Variants in FPR3 observed in about 807,000 individuals in gnomAD.
FPR3 encodes the protein N-formyl peptide receptor 3.
For synonymous variants in FPR3, 135 were observed against 163.6 expected (o/e 0.83, Z 1.34); for missense variants, 346 against 443.2 (o/e 0.78, Z 1.97).
chr19:51,824,446 T>A lies in FPR3; in HGVS notation c.698T>A (p.Met233Lys). 1 of 1,614,114 alleles carries A rather than the reference T, an allele frequency of 6.2e-7. No homozygotes were observed. Among genetic ancestry groups the A allele is most frequent in the Non-Finnish European group, 8.5e-7 (1 of 1,180,010 alleles). The change falls in exon 2 of 2, where the codon ATG (methionine) becomes AAG (lysine). Residue 233 changes from methionine (M) to lysine (K), a missense_variant. Met to Lys is a moderately conservative substitution (Grantham distance 95). Coordinates refer to ENST00000339223, the MANE Select transcript of FPR3 (RefSeq NM_002030.5). The surrounding 1 kb of genome is among the most constrained non-coding windows in gnomAD (Gnocchi z 4.7). ...IIAAKIHRNH[M>K]IKSSRPLRVF... is the part of the protein sequence containing the mutation. ...GCTGCCAAAATTCACAGAAACCACA[T>A]GATTAAATCCAGCCGTCCCTTACGT... is the stretch of plus-strand genomic sequence containing the variant.
chr19:51,812,237 G>A (rs958402989), intron 1 of FPR3, among the ~76,000 whole-genome samples: 4 of 152,160 alleles, frequency 2.6e-5, no homozygotes, highest in Non-Finnish European at 5.9e-5. Context: ...ATGGCCCAAC[G>A]TAGGGTGAAA....
At chr19:51,795,518 T>TTA (rs2083992419) in intron 1 of FPR3, among the ~76,000 whole-genome samples, 187 bp downstream of exon 1, 1 of 120,678 alleles carries the variant, frequency 8.3e-6, no homozygotes, top group Admixed American at 8.2e-5. Flanking sequence ...TTTTTTTTTT[T>TTA]TTTTTTTTTT....
intron 1 of FPR3, among the ~76,000 whole-genome samples, chr19:51,804,333 C>A (rs1190944480): frequency 6.6e-6 from 1 of 151,904 alleles, no homozygotes; most frequent in Non-Finnish European, 1.5e-5. Flanking sequence ...CCCTGGAATA[C>A]TTACTGATTT....
At chr19:51,804,914 G>C (rs546610496) in intron 1 of FPR3, 3 of 152,378 alleles carry the variant, frequency 2.0e-5, no homozygotes, top group South Asian at 4.1e-4. Flanking sequence ...TAGTGAGAAG[G>C]GGGGTGGAAG....
At chr19:51,811,049 T>C (rs1392670867) in intron 1 of FPR3, among the ~76,000 whole-genome samples, 1 of 152,170 alleles carries the variant, frequency 6.6e-6, no homozygotes, top group East Asian at 1.9e-4. Flanking sequence ...TATTTTCATC[T>C]GGAGCTGTGA....
chr19:51,822,371 A>T (rs1438224206), intron 1 of FPR3, among the ~76,000 whole-genome samples: 1 of 152,220 alleles, frequency 6.6e-6, no homozygotes, highest in Non-Finnish European at 1.5e-5. Context: ...ACCTTCCCCC[A>T]AAAGAGTGAG....
In FPR3 at chr19:51,814,690, C is replaced by T. The variant is rs562042022; in HGVS notation, c.-10-9049C>T. On this transcript the variant is annotated intron_variant, in intron 1 of 1. Coordinates refer to ENST00000339223, the MANE Select transcript of FPR3 (RefSeq NM_002030.5). ...TGTATTTTTAGTAAAGATGGGTTTT[C>T]GCCATGTTGGCCAGGCTGGTCTTGA... Among the ~76,000 whole-genome samples, 12 of 152,216 alleles carry T rather than the reference C, an allele frequency of 7.9e-5. No individual in the cohort carries two copies. The South Asian group carries it at 8.3e-4, about 11-fold the overall frequency.
intron 1 of FPR3, among the ~76,000 whole-genome samples, chr19:51,812,464 A>T (rs2084104171): frequency 6.6e-6 from 1 of 152,228 alleles, no homozygotes. Flanking sequence ...ATATTATTAA[A>T]AATTGCTAAT....
chr19:51,809,479 T>C (rs1255306452), intron 1 of FPR3, among the ~76,000 whole-genome samples: 3 of 152,220 alleles, frequency 2.0e-5, no homozygotes, highest in Non-Finnish European at 2.9e-5. Flanking sequence ...TCTCATGTAG[T>C]TGTGCTCCCA....
Position 51,799,803 on chromosome 19 carries a change from G to A in FPR3, c.-11+4472G>A, listed in dbSNP as rs1036491067. 6.6e-5 allele frequency among the ~76,000 whole-genome samples: 10 copies of A among 152,230 alleles called. No homozygotes were observed. The South Asian group carries it at 8.3e-4, about 13-fold the overall frequency. ...CCCCTGACAGGGGGCCACTACTGGA[G>A]GGCATGTTGCCCCTTGAGCCATACA... On this transcript the variant is annotated intron_variant, in intron 1 of 1. Transcript: ENST00000339223.
At chr19:51,801,301 T>G (rs929120813) in intron 1 of FPR3, among the ~76,000 whole-genome samples, 26 of 151,982 alleles carry the variant, frequency 1.7e-4, no homozygotes, top group African/African-American at 6.0e-4. Context: ...TATATTTTAA[T>G]GTAAATATAT....
chr19:51,813,922 G>A (rs1054951618), intron 1 of FPR3, among the ~76,000 whole-genome samples: 8 of 152,172 alleles, frequency 5.3e-5, no homozygotes, highest in East Asian at 1.9e-4. Context: ...TGGAGGGCCC[G>A]TTGATGTGAT....
At position 51,824,900 on chromosome 19, in the gene FPR3, C is replaced by T; in HGVS notation, c.*90C>T. The T allele has an allele frequency of 1.1e-6, 1 of 920,890 alleles. No homozygotes were observed. The allele number at this position is 920,890 out of a possible 1,614,324, so 57.0% of individuals were successfully genotyped here. On this transcript the variant is annotated 3_prime_UTR_variant, in exon 2 of 2. Transcript: ENST00000339223. This position sits in a 1 kb window ranked among gnomAD's most constrained non-coding sequence, Gnocchi z 4.7. Reference sequence around the variant, plus strand: ...ACAGTGTTTTTCTTCCTCTTTCATACCACCACCACCACAATCATCAACATA... The same window carrying T: ...ACAGTGTTTTTCTTCCTCTTTCATATCACCACCACCACAATCATCAACATA...
chr19:51,804,875 G>A (rs1035103038), intron 1 of FPR3: 6 of 152,244 alleles, frequency 3.9e-5, no homozygotes, highest in South Asian at 4.2e-4. Flanking sequence ...AGCTTTACAC[G>A]GCCCTCTGTA....
rs1568433612 is a variant in FPR3, at chr19:51,824,859, G to A, written c.*49G>A. 3.7e-6 allele frequency: 5 copies of A among 1,352,052 alleles called. No individual in the cohort carries two copies. Among genetic ancestry groups the A allele is most frequent in the Admixed American group, 5.6e-5 (2 of 35,664 alleles). 83.8% of individuals were successfully genotyped at this position (1,352,052 alleles called of 1,614,324 possible). On this transcript the variant is annotated 3_prime_UTR_variant, in exon 2 of 2. Transcript: ENST00000339223. This position sits in a 1 kb window ranked among gnomAD's most constrained non-coding sequence, Gnocchi z 4.7. ...GTCTCTTTCTACCCTGCGTTAAGCG[G>A]AAAAAAAAAATTCTGACAGTGTTTT... is the stretch of plus-strand genomic sequence containing the variant.
intron 1 of FPR3, among the ~76,000 whole-genome samples, chr19:51,821,215 C>T (rs1300699432): frequency 2.0e-5 from 3 of 152,156 alleles, no homozygotes; most frequent in African/African-American, 7.2e-5. Context: ...AACTGAGGCT[C>T]AAAGAGATAT....
chr19:51,824,298 G>T lies in FPR3; in HGVS notation c.550G>T (p.Gly184Cys), dbSNP rs759195896. ...CTGTATTTTCAACTTTGCATTCTGGGGTGACACTGCTGTAGAGAGGTTGAA... is the reference window on the plus strand; with the variant it reads ...CTGTATTTTCAACTTTGCATTCTGGTGTGACACTGCTGTAGAGAGGTTGAA... ...TYCIFNFAFW[G>C]DTAVERLNVF... is the part of the protein sequence containing the mutation. Residue 184 changes from glycine (G) to cysteine (C), a missense_variant, in exon 2 of 2, where the codon GGT becomes TGT. Gly to Cys is a radical substitution (Grantham distance 159, BLOSUM62 -3). Coordinates refer to ENST00000339223, the MANE Select transcript of FPR3 (RefSeq NM_002030.5). This position sits in a 1 kb window ranked among gnomAD's most constrained non-coding sequence, Gnocchi z 4.7. The T allele has an allele frequency of 6.2e-7, 1 of 1,614,102 alleles. No individual in the cohort carries two copies.
chr19:51,824,736 G>T lies in FPR3; in HGVS notation c.988G>T (p.Asp330Tyr), dbSNP rs1485119388. ...GGAGAGGGCCCTGACTGAGGTCCCTGACTCAGCCCAGACCAGCAACACAGA... is the reference window on the plus strand; with the variant it reads ...GGAGAGGGCCCTGACTGAGGTCCCTTACTCAGCCCAGACCAGCAACACAGA... Reference protein sequence around the residue: ...SLERALTEVPDSAQTSNTDTT... With the variant: ...SLERALTEVPYSAQTSNTDTT... The change falls in exon 2 of 2, where the codon GAC becomes TAC. Residue 330 changes from aspartate (D) to tyrosine (Y), a missense_variant. Coordinates refer to ENST00000339223, the MANE Select transcript of FPR3 (RefSeq NM_002030.5). The surrounding 1 kb of genome is among the most constrained non-coding windows in gnomAD (Gnocchi z 4.7). 1.9e-6 allele frequency: 3 copies of T among 1,614,000 alleles called. No homozygotes were observed. Among genetic ancestry groups the T allele is most frequent in the South Asian group, 2.2e-5 (2 of 91,078 alleles).
At chr19:51,805,265 A>G (rs1358812143) in intron 1 of FPR3, 1 of 152,222 alleles carries the variant, frequency 6.6e-6, no homozygotes, top group African/African-American at 2.4e-5. Flanking sequence ...CTATAAACAG[A>G]AGACAGAGAC....
Sources: gnomAD v4.1 joint callset for allele counts (sites outside exome capture counted in the v4.1 genomes callset) on GRCh38, gnomAD v4.1.1 for gene constraint, Gnocchi (gnomAD v3.1) non-coding constraint, MANE v1.5 for transcripts, NCBI Gene and HGNC (gene_info 2026-07-23, HGNC 2026-07-21) for gene names.